The following GMDS variants were observed in gnomAD, a reference collection of about 807,000 sequenced individuals.
GMDS encodes GDP-mannose 4,6-dehydratase.
GMDS carries 20 observed loss-of-function variants against 49.9 expected under a neutral mutation model. The observed-to-expected ratio is 0.40, with a 90% CI of 0.28 to 0.58. GMDS has a LOEUF of 0.58. Among genes scored for constraint, GMDS ranks in the 20% least tolerant of loss-of-function variants. The pLI, the probability that GMDS is intolerant of heterozygous loss-of-function variation, is 0.42. For synonymous variants in GMDS, 177 were observed against 178.6 expected, an observed-to-expected ratio of 0.99 and a Z score of 0.07; for missense variants, 362 against 481.4, an observed-to-expected ratio of 0.75 and a Z score of 2.32.
intron 7 of GMDS, among the ~76,000 whole-genome samples, chr6:1,857,918 A>T (rs990495064): frequency 3.9e-5 from 6 of 152,204 alleles, no homozygotes; most frequent in Non-Finnish European, 8.8e-5. Context: ...GGCCATTCTA[A>T]GATAAAGAAC....
At position 1,901,662 on chromosome 6, in the gene GMDS, C is replaced by CTA. The variant is rs1561875684; in HGVS notation, c.771+28439_771+28440dup. Among the ~76,000 whole-genome samples the CTA allele has an allele frequency of 1.2e-4, 18 of 152,212 alleles. No homozygotes were observed. In the South Asian group the frequency reaches 3.7e-3, roughly 32 times the overall value. On this transcript the variant is annotated intron_variant, in intron 7 of 10. Transcript: ENST00000380815. ...CTTTTTTTTTGAAGCTCAGAGAACT[C>CTA]TACTGTGGCCTTTGATATGTCATGG...
chr6:1,841,827 T>C (rs1455446137), intron 7 of GMDS, among the ~76,000 whole-genome samples: 1 of 152,182 alleles, frequency 6.6e-6, no homozygotes, highest in Non-Finnish European at 1.5e-5. Flanking sequence ...CTTGTTCATA[T>C]CCACCACTTG....
intron 9 of GMDS, among the ~76,000 whole-genome samples, chr6:1,633,547 G>A (rs747717658): frequency 1.3e-5 from 2 of 152,134 alleles, no homozygotes; most frequent in Non-Finnish European, 2.9e-5. Context: ...GTTGGAGGGC[G>A]GGAGGGCACT....
At chr6:1,644,855 G>A (rs190887049) in intron 9 of GMDS, among the ~76,000 whole-genome samples, 1 of 152,238 alleles carries the variant, frequency 6.6e-6, no homozygotes, top group East Asian at 1.9e-4. Context: ...AGGAAGCTGA[G>A]GCTTAGTGAG....
chr6:2,034,669 G>T (rs544663681), intron 4 of GMDS, among the ~76,000 whole-genome samples: 61 of 152,150 alleles, frequency 4.0e-4, no homozygotes, highest in African/African-American at 1.4e-3. Context: ...CTCAAAGTAC[G>T]GTCTGGAAGT....
chr6:1,882,526 A>C (rs1759411116), intron 7 of GMDS, among the ~76,000 whole-genome samples: 1 of 152,236 alleles, frequency 6.6e-6, no homozygotes, highest in African/African-American at 2.4e-5. Context: ...AATTAGAATA[A>C]TCATGACACA....
At chr6:1,821,329 G>A (rs371909346) in intron 7 of GMDS, among the ~76,000 whole-genome samples, 26 of 152,180 alleles carry the variant, frequency 1.7e-4, no homozygotes, top group East Asian at 9.7e-4. Flanking sequence ...CCTTTTGAGC[G>A]GAGAGGCTGA....
chr6:1,664,524 C>A (rs940973777), intron 9 of GMDS, among the ~76,000 whole-genome samples: 1 of 152,186 alleles, frequency 6.6e-6, no homozygotes, highest in Non-Finnish European at 1.5e-5. Flanking sequence ...CTAGAGTCCC[C>A]GATTCATGGT....
chr6:1,825,777 G>A (rs1472891874), intron 7 of GMDS, among the ~76,000 whole-genome samples: 2 of 152,252 alleles, frequency 1.3e-5, no homozygotes, highest in Non-Finnish European at 2.9e-5. Context: ...GGGAGGCCAA[G>A]GCAGGCAGAT....
In GMDS at chr6:2,227,090, C is replaced by T. The variant is rs78330677; in HGVS notation, c.102+18231G>A. ...GATTGCGGGTGTTGTTTTTTTTCCC[C>T]CTGAAACTTTATATCCTCCTATACT... On this transcript the variant is annotated intron_variant, in intron 1 of 10. Transcript: ENST00000380815. Among the ~76,000 whole-genome samples the T allele has an allele frequency of 8.7e-4, 133 of 152,054 alleles. 1 individual carries two copies. The East Asian group carries it at 0.023, about 26-fold the overall frequency.
rs183862222 is a variant in GMDS at position 1,979,160 on chromosome 6, G to A, written c.346-18194C>T. On this transcript the variant is annotated intron_variant, in intron 4 of 10. Coordinates refer to ENST00000380815, the MANE Select transcript of GMDS (RefSeq NM_001500.4). ...GCCCCTTTTCCTCCAAATGACTGCA[G>A]TAACTCCAGCAAGGGCTCAGAACTG... is the stretch of plus-strand genomic sequence containing the variant. Among the ~76,000 whole-genome samples, 8 of 152,334 alleles carry A rather than the reference G, an allele frequency of 5.3e-5. No individual in the cohort carries two copies. The East Asian group carries it at 1.4e-3, about 26-fold the overall frequency.
chr6:1,672,077 CTTA>C (rs771750710), intron 9 of GMDS, among the ~76,000 whole-genome samples: 1 of 152,208 alleles, frequency 6.6e-6, no homozygotes, highest in East Asian at 1.9e-4. Context: ...CCCACACTGT[CTTA>C]TTATATTTCT....
At chr6:2,090,565 T>C (rs945670667) in intron 4 of GMDS, among the ~76,000 whole-genome samples, 1 of 152,182 alleles carries the variant, frequency 6.6e-6, no homozygotes, top group Non-Finnish European at 1.5e-5. Flanking sequence ...CTTAAGCTTA[T>C]AAAACGACCT....
intron 1 of GMDS, among the ~76,000 whole-genome samples, chr6:2,148,209 C>T (rs922074138): frequency 8.5e-5 from 13 of 152,116 alleles, no homozygotes; most frequent in African/African-American, 2.9e-4. Context: ...GCTAGAAGGG[C>T]TGATCCAAAA....
At chr6:1,708,834 T>TA (rs1371773186) in intron 9 of GMDS, among the ~76,000 whole-genome samples, 3 of 152,230 alleles carry the variant, frequency 2.0e-5, no homozygotes, top group African/African-American at 7.2e-5. Context: ...GTTTTAAATG[T>TA]AAAAAAGAAG....
At chr6:1,680,589 G>A (rs1962433) in intron 9 of GMDS, among the ~76,000 whole-genome samples, 35,453 of 152,062 alleles carry the variant, frequency 0.23, 4,416 homozygotes, top group East Asian at 0.49. Flanking sequence ...TTGGGCGCCC[G>A]GCCAGGACAC....
intron 7 of GMDS, among the ~76,000 whole-genome samples, chr6:1,812,295 C>T (rs1430887503): frequency 6.6e-6 from 1 of 152,036 alleles, no homozygotes; most frequent in Admixed American, 6.6e-5. Flanking sequence ...AAAGAAAGGC[C>T]CAGGACCCTG....
At chr6:2,206,075 A>G (rs1779794382) in intron 1 of GMDS, among the ~76,000 whole-genome samples, 1 of 152,136 alleles carries the variant, frequency 6.6e-6, no homozygotes, top group African/African-American at 2.4e-5. Context: ...CCTGACCAAC[A>G]TGGAGAAATC....
chr6:1,913,225 C>CA (rs921156780), intron 7 of GMDS, among the ~76,000 whole-genome samples: 1 of 151,040 alleles, frequency 6.6e-6, no homozygotes, highest in East Asian at 2.0e-4. Flanking sequence ...ACTAAAAATA[C>CA]AAAAAATTAG....
Sources: allele counts gnomAD v4.1 joint callset (sites outside exome capture counted in the v4.1 genomes callset), GRCh38; gene constraint gnomAD v4.1.1; transcripts MANE v1.5; gene names NCBI Gene and HGNC (gene_info 2026-07-23, HGNC 2026-07-21).